MEI4: variants seen among roughly 807,000 people sequenced by gnomAD.
The protein encoded by MEI4 is meiotic double-stranded break formation protein 4, also known as meiosis-specific protein MEI4.
Under a neutral mutation model 31.4 loss-of-function variants are expected in MEI4, and 27 were observed. That is an observed-to-expected ratio of 0.86 (90% CI 0.63 to 1.19). The LOEUF (loss-of-function observed/expected upper bound fraction) is 1.19. Among genes scored for constraint, MEI4 ranks in the 50% most tolerant of loss-of-function variants. MEI4 has a pLI of 0.00. For missense variants in MEI4, 329 were observed against 398.9 expected, an observed-to-expected ratio of 0.82 and a Z score of 1.49; for synonymous variants, 122 against 145.4, an observed-to-expected ratio of 0.84 and a Z score of 1.16.
chr6:77,698,166 A>G (rs950862914), intron 2 of MEI4, among the ~76,000 whole-genome samples: 1 of 152,098 alleles, frequency 6.6e-6, no homozygotes, highest in African/African-American at 2.4e-5. Context: ...GTGTCTCTGC[A>G]TGTGAGATGA....
intron 3 of MEI4, among the ~76,000 whole-genome samples, chr6:77,767,412 AAGTC>A (rs1328092055): frequency 6.6e-6 from 1 of 150,398 alleles, no homozygotes; most frequent in Non-Finnish European, 1.5e-5. Context: ...ATAAATAAAT[AAGTC>A]AGGCATGGTG....
At chr6:77,724,868 G>A (rs533315766) in intron 2 of MEI4, among the ~76,000 whole-genome samples, 133 of 146,334 alleles carry the variant, frequency 9.1e-4, no homozygotes, top group African/African-American at 2.1e-3. Flanking sequence ...CTACATATTC[G>A]CAATGTAAAC....
At chr6:77,919,189 A>G (rs1766640986) in intron 4 of MEI4, among the ~76,000 whole-genome samples, 1 of 151,984 alleles carries the variant, frequency 6.6e-6, no homozygotes, top group Non-Finnish European at 1.5e-5. Context: ...AATCAACAGA[A>G]TATACATTTT....
At chr6:77,875,871 G>A (rs570467509) in intron 4 of MEI4, among the ~76,000 whole-genome samples, 117 of 152,226 alleles carry the variant, frequency 7.7e-4, no homozygotes, top group African/African-American at 2.5e-3. Flanking sequence ...TACTCTTCAC[G>A]GGATTACTGA....
intron 2 of MEI4, among the ~76,000 whole-genome samples, chr6:77,759,270 C>G (rs554008233): frequency 1.3e-5 from 2 of 152,208 alleles, no homozygotes; most frequent in South Asian, 4.1e-4. Flanking sequence ...CTCTATCCAG[C>G]CTTCAAATAC....
At chr6:77,788,828 C>T (rs559037174) in intron 3 of MEI4, among the ~76,000 whole-genome samples, 2 of 152,232 alleles carry the variant, frequency 1.3e-5, no homozygotes, top group East Asian at 3.9e-4. Flanking sequence ...GCCATACTGC[C>T]CAAAGTAATT....
intron 4 of MEI4, among the ~76,000 whole-genome samples, chr6:77,882,801 A>T (rs1199494423): frequency 1.3e-5 from 2 of 152,192 alleles, no homozygotes. Flanking sequence ...TGTCATTTTT[A>T]TATCAAATCC....
At chr6:77,778,661 C>G (rs1021258626) in intron 3 of MEI4, among the ~76,000 whole-genome samples, 4 of 151,958 alleles carry the variant, frequency 2.6e-5, no homozygotes, top group African/African-American at 9.7e-5. Context: ...GATTGCAACA[C>G]TGCACTCCAG....
chr6:77,872,232 G>A (rs1041791463), intron 4 of MEI4, among the ~76,000 whole-genome samples: 5 of 152,010 alleles, frequency 3.3e-5, no homozygotes, highest in African/African-American at 4.8e-5. Flanking sequence ...TGACTCTATC[G>A]ATGCCATGTA....
chr6:77,696,498 T>C (rs372176481), intron 2 of MEI4, among the ~76,000 whole-genome samples: 4 of 151,798 alleles, frequency 2.6e-5, no homozygotes, highest in Admixed American at 1.3e-4. Flanking sequence ...TTGTCAAAGG[T>C]CTTTTCTGCA....
In MEI4 at chr6:77,787,689, A is replaced by G. The variant is rs569427982; in HGVS notation, c.768+26024A>G. ...CATGACACCACCAAAAGAAACTAAT[A>G]AGGCTCTAATAACCAACCATAAAGA... On this transcript the variant is annotated intron_variant, in intron 3 of 4. Coordinates refer to ENST00000684080, the MANE Select transcript of MEI4 (RefSeq NM_001322247.2). 3.9e-5 allele frequency among the ~76,000 whole-genome samples: 6 copies of G among 152,348 alleles called. No homozygotes were observed. The South Asian group carries it at 1.2e-3, about 32-fold the overall frequency.
intron 4 of MEI4, among the ~76,000 whole-genome samples, chr6:77,841,333 A>ATATATATATATTT: frequency 3.2e-4 from 9 of 27,736 alleles, no homozygotes; most frequent in East Asian, 2.2e-3. Flanking sequence ...ATATATATAT[A>ATATATATATATTT]TTTTTTTTTT....
chr6:77,663,289 G>A (rs28778329), intron 1 of MEI4, among the ~76,000 whole-genome samples: 37,234 of 151,666 alleles, frequency 0.25, 5,333 homozygotes, highest in Non-Finnish European at 0.32. Context: ...GCATGCTGTG[G>A]GATGGGATAT....
At chr6:77,709,190 G>A (rs185470690) in intron 2 of MEI4, among the ~76,000 whole-genome samples, 1 of 151,782 alleles carries the variant, frequency 6.6e-6, no homozygotes, top group East Asian at 1.9e-4. Flanking sequence ...CTATTTTTTT[G>A]TGCTTCAAAG....
intron 2 of MEI4, among the ~76,000 whole-genome samples, chr6:77,745,666 C>T (rs1299916247): frequency 3.3e-5 from 5 of 152,276 alleles, no homozygotes; most frequent in Middle Eastern, 3.4e-3. Flanking sequence ...ACAGAATATA[C>T]ATTTTTTTCA....
intron 3 of MEI4, among the ~76,000 whole-genome samples, chr6:77,765,826 G>T (rs1344572295): frequency 6.6e-6 from 1 of 152,092 alleles, no homozygotes; most frequent in Non-Finnish European, 1.5e-5. Flanking sequence ...AGAAAATGTG[G>T]CACATATATA....
At chr6:77,890,024 G>A (rs978726270) in intron 4 of MEI4, among the ~76,000 whole-genome samples, 5 of 152,314 alleles carry the variant, frequency 3.3e-5, no homozygotes, top group Admixed American at 2.0e-4. Flanking sequence ...TTTGCTGCAG[G>A]GGCAGAGCCC....
intron 4 of MEI4, among the ~76,000 whole-genome samples, chr6:77,845,576 G>A (rs1314379378): frequency 6.6e-6 from 1 of 152,022 alleles, no homozygotes; most frequent in Admixed American, 6.6e-5. Flanking sequence ...TCAGTTATTT[G>A]TTTAGCAACA....
rs1220251759 is a variant in MEI4, at chr6:77,680,115, C to CAAAAAAAAAAAA, written c.-14-10540_-14-10529dup. The stretch of plus-strand genomic sequence containing the variant: ...TGAAACCCCGTCCCTACTAAAAATA[C>CAAAAAAAAAAAA]AAAAAAAAAAAAAATTAGCTGGGCG... On this transcript the variant is annotated intron_variant, in intron 1 of 4. Transcript: ENST00000684080. Among the ~76,000 whole-genome samples the CAAAAAAAAAAAA allele has an allele frequency of 1.5e-4, 6 of 39,762 alleles. 1 individual carries two copies. Among genetic ancestry groups the CAAAAAAAAAAAA allele is most frequent in the African/African-American group, 3.7e-4 (3 of 8,210 alleles). 26.1% of individuals were successfully genotyped at this position (39,762 alleles called of 152,430 possible).
Sources: allele counts gnomAD v4.1 joint callset (sites outside exome capture counted in the v4.1 genomes callset), GRCh38; gene constraint gnomAD v4.1.1; transcripts MANE v1.5; gene names NCBI Gene and HGNC (gene_info 2026-07-23, HGNC 2026-07-21).